The following MYO3B variants were observed in gnomAD, a reference collection of about 807,000 sequenced individuals.
MYO3B encodes myosin-IIIb.
In MYO3B, 156 loss-of-function variants were observed where a neutral mutation model predicts 174.6. The observed-to-expected ratio is 0.89, with a 90% CI of 0.78 to 1.02. The LOEUF (loss-of-function observed/expected upper bound fraction) is 1.02. Ranked by LOEUF, MYO3B falls within the 50% of genes least tolerant of loss-of-function variation. MYO3B has a pLI of 0.00. For synonymous variants in MYO3B, 563 were observed against 569.1 expected, an observed-to-expected ratio of 0.99 and a Z score of 0.15; for missense variants, 1,632 against 1,639.4, an observed-to-expected ratio of 1.00 and a Z score of 0.08.
intron 8 of MYO3B, among the ~76,000 whole-genome samples, chr2:170,353,114 A>T (rs1224017158): frequency 1.3e-5 from 2 of 152,288 alleles, no homozygotes; most frequent in Non-Finnish European, 2.9e-5. Context: ...ATGAATGTTT[A>T]TCACAGTTTT....
At position 170,401,612 on chromosome 2, in the gene MYO3B, T is replaced by C. The variant is rs776167398; in HGVS notation, c.2050T>C (p.Ser684Pro). 1.2e-6 allele frequency: 2 copies of C among 1,614,120 alleles called. No homozygotes were observed. Among genetic ancestry groups the C allele is most frequent in the South Asian group, 2.2e-5 (2 of 91,080 alleles). The change falls in exon 18 of 35, where the codon TCC (serine) becomes CCC (proline). Residue 684 changes from serine (S) to proline (P), a missense_variant. Transcript: ENST00000408978. ...DRAADVRDAM[S>P]KALYGRLFSW... ...GGCTGCGGACGTTCGAGACGCCATG[T>C]CCAAAGCCCTGTATGGGAGGCTCTT...
At chr2:170,323,749 C>A (rs566529359) in intron 7 of MYO3B, among the ~76,000 whole-genome samples, 1 of 152,148 alleles carries the variant, frequency 6.6e-6, no homozygotes. Context: ...AGTAAGTACT[C>A]AAGAAGTGAG....
chr2:170,580,924 A>G (rs544738610), intron 32 of MYO3B, among the ~76,000 whole-genome samples: 228 of 145,014 alleles, frequency 1.6e-3, no homozygotes, highest in African/African-American at 5.4e-3. Flanking sequence ...TCTCTTTTTT[A>G]TTGTCATTTT....
At chr2:170,267,108 G>A (rs1448626643) in intron 7 of MYO3B, among the ~76,000 whole-genome samples, 2 of 46,424 alleles carry the variant, frequency 4.3e-5, no homozygotes, top group African/African-American at 6.5e-5. Context: ...ACAGATGAAA[G>A]TTTATTTTTT....
intron 32 of MYO3B, among the ~76,000 whole-genome samples, chr2:170,584,727 G>A (rs1222126428): frequency 1.3e-5 from 2 of 152,218 alleles, no homozygotes; most frequent in Non-Finnish European, 2.9e-5. Context: ...TTCAAAGGGA[G>A]AAGGCAATAA....
intron 7 of MYO3B, among the ~76,000 whole-genome samples, chr2:170,281,300 C>T (rs902819995): frequency 2.6e-5 from 4 of 151,908 alleles, no homozygotes; most frequent in African/African-American, 9.7e-5. Flanking sequence ...AATTCTCCTC[C>T]CAAAAACAAT....
At chr2:170,290,645 C>CT (rs1456897293) in intron 7 of MYO3B, among the ~76,000 whole-genome samples, 2 of 152,100 alleles carry the variant, frequency 1.3e-5, no homozygotes, top group African/African-American at 4.8e-5. Flanking sequence ...CACTCTCTAA[C>CT]TTTTAGTTGG....
At chr2:170,472,440 T>G (rs147654062) in intron 25 of MYO3B, among the ~76,000 whole-genome samples, 146 of 152,298 alleles carry the variant, frequency 9.6e-4, no homozygotes, top group African/African-American at 3.3e-3. Flanking sequence ...TAAATCTGCC[T>G]TCTCCAAGCC....
At chr2:170,366,110 A>G (rs1398872822) in intron 8 of MYO3B, among the ~76,000 whole-genome samples, 2 of 152,154 alleles carry the variant, frequency 1.3e-5, no homozygotes, top group African/African-American at 4.8e-5. Flanking sequence ...TGGCTACTGC[A>G]TCATCCCTGT....
At chr2:170,597,505 G>C (rs528287076) in intron 32 of MYO3B, among the ~76,000 whole-genome samples, 1 of 152,262 alleles carries the variant, frequency 6.6e-6, no homozygotes, top group Admixed American at 6.5e-5. Context: ...GCCCTCCAGA[G>C]TACCCCTGGA....
chr2:170,398,091 C>A (rs1047081377), intron 16 of MYO3B, among the ~76,000 whole-genome samples: 1 of 151,982 alleles, frequency 6.6e-6, no homozygotes, highest in Non-Finnish European at 1.5e-5. Flanking sequence ...GGCATGGTGG[C>A]AGGTGCCTGT....
chr2:170,615,308 A>G (rs377074430), intron 32 of MYO3B, among the ~76,000 whole-genome samples: 1 of 152,258 alleles, frequency 6.6e-6, no homozygotes, highest in Non-Finnish European at 1.5e-5. Flanking sequence ...CCCTGGCCTC[A>G]TGGAGCTGAC....
chr2:170,495,762 G>A (rs559134313), intron 25 of MYO3B, among the ~76,000 whole-genome samples: 2 of 152,332 alleles, frequency 1.3e-5, no homozygotes, highest in African/African-American at 4.8e-5. Context: ...ACTTAAAGCC[G>A]GTGGAACCCA....
chr2:170,623,272 G>C (rs1696094631), intron 32 of MYO3B, among the ~76,000 whole-genome samples: 1 of 152,246 alleles, frequency 6.6e-6, no homozygotes, highest in Admixed American at 6.5e-5. Flanking sequence ...ATTCTAACTG[G>C]TGTGAGATGG....
At chr2:170,404,489 A>T in intron 20 of MYO3B, 89 bp downstream of exon 20, 2 of 1,331,594 alleles carry the variant, frequency 1.5e-6, no homozygotes, top group Non-Finnish European at 2.0e-6. Context: ...AATTTACCTT[A>T]CATATTTTGT....
intron 1 of MYO3B, among the ~76,000 whole-genome samples, chr2:170,182,661 GAGTGC>G (rs542697776): frequency 2.1e-3 from 312 of 147,452 alleles, no homozygotes; most frequent in African/African-American, 7.4e-3. Context: ...GCCCAAGGTG[GAGTGC>G]AGTGGCGTGA....
chr2:170,244,895 CAT>C (rs1189192793), intron 7 of MYO3B, among the ~76,000 whole-genome samples: 1 of 152,094 alleles, frequency 6.6e-6, no homozygotes, highest in Non-Finnish European at 1.5e-5. Flanking sequence ...GATGGAAAAA[CAT>C]AGACTGGAGA....
At chr2:170,355,102 G>T (rs1478294482) in intron 8 of MYO3B, among the ~76,000 whole-genome samples, 1 of 152,166 alleles carries the variant, frequency 6.6e-6, no homozygotes, top group Non-Finnish European at 1.5e-5. Context: ...GTGGTTCATT[G>T]TCCTTTGAAG....
Position 170,443,954 on chromosome 2 carries a change from G to T in MYO3B, c.2651-13G>T. Reference sequence around the variant, plus strand: ...TTTCCTTTAATTTATGTTCTTTGTGGTCTCTTTCTCAGGTAATTTGGCCCA... The same window carrying T: ...TTTCCTTTAATTTATGTTCTTTGTGTTCTCTTTCTCAGGTAATTTGGCCCA... On this transcript the variant is annotated splice_polypyrimidine_tract_variant and intron_variant, in intron 22 of 34. Coordinates refer to ENST00000408978, the MANE Select transcript of MYO3B (RefSeq NM_138995.5). 4.4e-6 allele frequency: 7 copies of T among 1,601,230 alleles called. No homozygotes were observed. The highest frequency in any genetic ancestry group is 3.4e-5 in the South Asian group (3 of 89,492).
Sources: gnomAD v4.1 joint callset for allele counts (sites outside exome capture counted in the v4.1 genomes callset) on GRCh38, gnomAD v4.1.1 for gene constraint, MANE v1.5 for transcripts, NCBI Gene and HGNC (gene_info 2026-07-23, HGNC 2026-07-21) for gene names.